SGCZ: variants seen among roughly 807,000 people sequenced by gnomAD.
SGCZ encodes zeta-sarcoglycan.
SGCZ carries 40 observed loss-of-function variants against 41.3 expected under a neutral mutation model. The ratio of observed to expected loss-of-function variants is 0.97; its 90% CI spans 0.75 to 1.26. The LOEUF (loss-of-function observed/expected upper bound fraction) is 1.26. SGCZ is among the 50% of genes most tolerant of loss of function. The pLI is 0.00. For synonymous variants in SGCZ, 206 were observed against 137.5 expected, an observed-to-expected ratio of 1.50 and a Z score of -3.49; for missense variants, 552 against 369.8, an observed-to-expected ratio of 1.49 and a Z score of -4.04.
intron 4 of SGCZ, among the ~76,000 whole-genome samples, chr8:14,211,691 C>T (rs1476231124): frequency 1.3e-5 from 2 of 152,090 alleles, no homozygotes; most frequent in African/African-American, 2.4e-5. Flanking sequence ...AAGTGCTACA[C>T]ACTTTTAAAC....
At chr8:15,090,621 C>G (rs945048215) in intron 1 of SGCZ, among the ~76,000 whole-genome samples, 8 of 151,712 alleles carry the variant, frequency 5.3e-5, no homozygotes, top group Non-Finnish European at 1.0e-4. Flanking sequence ...GATTAAGAGC[C>G]AGAGAAACTG....
At chr8:15,005,209 G>T (rs1009860359) in intron 1 of SGCZ, among the ~76,000 whole-genome samples, 1 of 152,116 alleles carries the variant, frequency 6.6e-6, no homozygotes. Context: ...AGTTCAAAAG[G>T]CATGGTACCA....
intron 1 of SGCZ, among the ~76,000 whole-genome samples, chr8:15,047,172 T>G (rs946667596): frequency 1.3e-5 from 2 of 152,050 alleles, no homozygotes; most frequent in Non-Finnish European, 2.9e-5. Flanking sequence ...TACATAGTAA[T>G]GGACTAAAAA....
chr8:15,047,528 A>G (rs898088473), intron 1 of SGCZ, among the ~76,000 whole-genome samples: 2 of 152,028 alleles, frequency 1.3e-5, no homozygotes, highest in Non-Finnish European at 2.9e-5. Flanking sequence ...GTGGACCTTT[A>G]AAGTCTTCTA....
At chr8:15,044,077 G>A (rs1804210504) in intron 1 of SGCZ, among the ~76,000 whole-genome samples, 1 of 152,016 alleles carries the variant, frequency 6.6e-6, no homozygotes, top group South Asian at 2.1e-4. Flanking sequence ...CCCTGTATTT[G>A]CATATTATTT....
Position 14,551,751 on chromosome 8 carries a change from T to C in SGCZ, c.234+2981A>G, listed in dbSNP as rs193250276. 3.1e-3 allele frequency among the ~76,000 whole-genome samples: 426 copies of C among 135,316 alleles called. 2 individuals are homozygous for C. The highest frequency in any genetic ancestry group is 0.012 in the African/African-American group (390 of 32,630). 88.8% of individuals were successfully genotyped at this position (135,316 alleles called of 152,430 possible). ...CTGTAATATAAAGTCATTTCCTTTT[T>C]TGGTTTTCTACAACTGGGTATCTCA... On this transcript the variant is annotated intron_variant, in intron 2 of 7. Transcript: ENST00000382080.
intron 1 of SGCZ, among the ~76,000 whole-genome samples, chr8:14,907,687 TAAA>T (rs2130771065): frequency 6.6e-6 from 1 of 152,126 alleles, no homozygotes; most frequent in Admixed American, 6.5e-5. Context: ...AAAAATAAAA[TAAA>T]GAATAAAAAT....
At chr8:14,953,009 C>T (rs1800688251) in intron 1 of SGCZ, among the ~76,000 whole-genome samples, 1 of 152,018 alleles carries the variant, frequency 6.6e-6, no homozygotes, top group African/African-American at 2.4e-5. Context: ...GGTTGGCCAT[C>T]TAACTTCTTG....
chr8:14,792,028 T>A (rs1439277340), intron 1 of SGCZ, among the ~76,000 whole-genome samples: 1 of 152,198 alleles, frequency 6.6e-6, no homozygotes, highest in East Asian at 1.9e-4. Flanking sequence ...GTCTAGCATG[T>A]TCTCAGTAGT....
chr8:14,380,595 T>TG (rs1470851513), intron 2 of SGCZ, among the ~76,000 whole-genome samples: 36 of 152,354 alleles, frequency 2.4e-4, no homozygotes, highest in Non-Finnish European at 3.2e-4. Context: ...GGCTCATGCC[T>TG]GTAATCCCAG....
At chr8:14,412,374 A>T (rs76055904) in intron 2 of SGCZ, among the ~76,000 whole-genome samples, 3,334 of 152,182 alleles carry the variant, frequency 0.022, 96 homozygotes, top group African/African-American at 0.06. Flanking sequence ...TATTATAATT[A>T]TGTGTTTCCC....
intron 2 of SGCZ, among the ~76,000 whole-genome samples, chr8:14,358,121 G>C (rs1299017044): frequency 6.6e-6 from 1 of 152,162 alleles, no homozygotes; most frequent in Non-Finnish European, 1.5e-5. Context: ...CACCCCTTAT[G>C]TATTTGTGTG....
At chr8:14,423,478 G>C (rs2117312662) in intron 2 of SGCZ, among the ~76,000 whole-genome samples, 2 of 152,110 alleles carry the variant, frequency 1.3e-5, no homozygotes, top group South Asian at 4.2e-4. Flanking sequence ...GTGCAATGGT[G>C]CAATGTCGAC....
At chr8:14,284,967 A>G (rs1239842707) in intron 3 of SGCZ, among the ~76,000 whole-genome samples, 1 of 152,132 alleles carries the variant, frequency 6.6e-6, no homozygotes, top group Admixed American at 6.5e-5. Context: ...CATTTTCTAT[A>G]AAAGTCTATG....
intron 1 of SGCZ, among the ~76,000 whole-genome samples, chr8:15,234,390 A>G (rs900816871): frequency 4.6e-5 from 7 of 152,320 alleles, no homozygotes; most frequent in African/African-American, 1.7e-4. Flanking sequence ...AGTAAACACC[A>G]GGGCAAAATC....
intron 1 of SGCZ, among the ~76,000 whole-genome samples, chr8:14,628,136 CATTTA>C (rs1386554936): frequency 6.6e-6 from 1 of 151,924 alleles, no homozygotes; most frequent in East Asian, 1.9e-4. Flanking sequence ...CTACATTGGC[CATTTA>C]ATTTCACAAA....
At chr8:15,148,774 A>C (rs1024821079) in intron 1 of SGCZ, among the ~76,000 whole-genome samples, 4 of 152,176 alleles carry the variant, frequency 2.6e-5, no homozygotes, top group Admixed American at 1.3e-4. Flanking sequence ...TGATACAAAA[A>C]TTGGATGTGG....
Position 14,893,521 on chromosome 8 carries a change from C to T in SGCZ, c.40-338595G>A, listed in dbSNP as rs191816286. Among the ~76,000 whole-genome samples, 47 of 152,120 alleles carry T rather than the reference C, an allele frequency of 3.1e-4. 1 individual carries two copies. The East Asian group carries it at 4.4e-3, about 14-fold the overall frequency. ...AAATTGGATTTCTCTTTTCAGGGGA[C>T]GTAGAATTATATTTTAATGTATGTA... On this transcript the variant is annotated intron_variant, in intron 1 of 7. Transcript: ENST00000382080.
chr8:14,220,502 T>A (rs1806155500), intron 4 of SGCZ, among the ~76,000 whole-genome samples: 1 of 152,164 alleles, frequency 6.6e-6, no homozygotes, highest in African/African-American at 2.4e-5. Flanking sequence ...CACTGCTGCC[T>A]TCACTTTGTA....
Sources: allele counts gnomAD v4.1 joint callset (sites outside exome capture counted in the v4.1 genomes callset), GRCh38; gene constraint gnomAD v4.1.1; transcripts MANE v1.5; gene names NCBI Gene and HGNC (gene_info 2026-07-23, HGNC 2026-07-21).